The following PHTF2 variants were observed in gnomAD, a reference collection of about 807,000 sequenced individuals.
PHTF2 encodes putative homeodomain transcription factor 2.
Under a neutral mutation model 101.2 loss-of-function variants are expected in PHTF2, and 60 were observed. That is an observed-to-expected ratio of 0.59 (90% CI 0.48 to 0.73). PHTF2 has a LOEUF of 0.73. Among genes scored for constraint, PHTF2 ranks in the 30% least tolerant of loss-of-function variants. The probability of loss-of-function intolerance (pLI) is 0.00; values close to 1 mark genes in which losing one functional copy is unlikely to be tolerated. For missense variants in PHTF2, 747 were observed against 908.7 expected, an observed-to-expected ratio of 0.82 and a Z score of 2.29; for synonymous variants, 311 against 307.3, an observed-to-expected ratio of 1.01 and a Z score of -0.13.
chr7:77,850,529 C>T (rs1796672179), intron 2 of PHTF2, among the ~76,000 whole-genome samples: 1 of 149,992 alleles, frequency 6.7e-6, no homozygotes, highest in East Asian at 2.0e-4. Context: ...GTAGTTGCAA[C>T]TACTTGGGAG....
At chr7:77,954,858 C>A in exon 20 of PHTF2, 5 of 1,488,790 alleles carry the variant, frequency 3.4e-6, no homozygotes, top group African/African-American at 1.4e-5. Context: ...TTTTTTCTAG[C>A]TATGGAAGAT....
intron 9 of PHTF2, among the ~76,000 whole-genome samples, chr7:77,915,036 C>T (rs567197627): frequency 8.6e-5 from 13 of 151,172 alleles, no homozygotes; most frequent in Non-Finnish European, 1.6e-4. Context: ...CTCAGCCTCC[C>T]GAGTAGCTGG....
intron 15 of PHTF2, 28 bp from the exon 15 acceptor site, chr7:77,942,671 CT>C: frequency 7.6e-7 from 1 of 1,309,582 alleles, no homozygotes; most frequent in South Asian, 1.3e-5. Context: ...AAAATGTTTC[CT>C]TTTCTCCCTT....
chr7:77,844,290 A>G (rs1184037110), intron 2 of PHTF2, among the ~76,000 whole-genome samples: 1 of 152,028 alleles, frequency 6.6e-6, no homozygotes, highest in Non-Finnish European at 1.5e-5. Flanking sequence ...CACTGTGCCC[A>G]ACCATAACTC....
At chr7:77,820,844 C>G (rs1307384546) in intron 1 of PHTF2, among the ~76,000 whole-genome samples, 1 of 152,080 alleles carries the variant, frequency 6.6e-6, no homozygotes, top group African/African-American at 2.4e-5. Context: ...CTTTTTTCCT[C>G]TCTTATTGTT....
chr7:77,950,989 G>T (rs1159005934), intron 17 of PHTF2, among the ~76,000 whole-genome samples: 1 of 152,240 alleles, frequency 6.6e-6, no homozygotes, highest in African/African-American at 2.4e-5. Flanking sequence ...GGGGGTAAAG[G>T]TGAGATCAAA....
rs1367331837 is a variant in PHTF2, at chr7:77,909,256, A to G, written c.611+298A>G. 1.9e-5 allele frequency: 4 copies of G among 214,900 alleles called. No homozygotes were observed. In the East Asian group the frequency reaches 4.0e-4, roughly 21 times the overall value. 13.3% of individuals were successfully genotyped at this position (214,900 alleles called of 1,614,324 possible). A position where few individuals can be genotyped will look rare whatever the true frequency, so the allele number is the denominator to read the frequency against. On this transcript the variant is annotated intron_variant, in intron 8 of 19. Transcript: ENST00000416283. ...GTTAGCTAGATTGTTAATAATTCCT[A>G]CTACTTATAAAAATCTTGTATTTCT...
At chr7:77,884,625 A>C (rs1376751149) in intron 3 of PHTF2, among the ~76,000 whole-genome samples, 1 of 152,178 alleles carries the variant, frequency 6.6e-6, no homozygotes, top group Non-Finnish European at 1.5e-5. Flanking sequence ...GGCTGGGCGC[A>C]GTGGCTTACC....
At chr7:77,929,989 T>C (rs1804412226) in intron 12 of PHTF2, among the ~76,000 whole-genome samples, 1 of 149,348 alleles carries the variant, frequency 6.7e-6, no homozygotes, top group Admixed American at 6.7e-5. Context: ...CTGTCCCTCT[T>C]GTCACCCAGG....
At chr7:77,813,556 C>T (rs1217900941) in intron 1 of PHTF2, among the ~76,000 whole-genome samples, 1 of 152,152 alleles carries the variant, frequency 6.6e-6, no homozygotes, top group Non-Finnish European at 1.5e-5. Context: ...GAGAAAGGTA[C>T]TGTATTTAAT....
intron 12 of PHTF2, among the ~76,000 whole-genome samples, chr7:77,930,623 A>G (rs547761155): frequency 3.9e-5 from 6 of 152,332 alleles, no homozygotes; most frequent in South Asian, 2.1e-4. Context: ...TGCTATAACA[A>G]TCCCAGAGGC....
At chr7:77,841,075 C>CTTTTTTTATTTTTTTTTTTTTT (rs1795833746) in intron 2 of PHTF2, among the ~76,000 whole-genome samples, 1 of 77,286 alleles carries the variant, frequency 1.3e-5, no homozygotes. Flanking sequence ...AAAAAACAGA[C>CTTTTTTTATTTTTTTTTTTTTT]TTTTTTTTTT....
intron 1 of PHTF2, among the ~76,000 whole-genome samples, chr7:77,811,889 G>A (rs1793472235): frequency 6.6e-6 from 1 of 152,152 alleles, no homozygotes; most frequent in Non-Finnish European, 1.5e-5. Context: ...GAGTATATAT[G>A]TGGTGGGTGT....
intron 9 of PHTF2, among the ~76,000 whole-genome samples, chr7:77,918,255 A>G (rs1803116498): frequency 6.6e-6 from 1 of 152,008 alleles, no homozygotes; most frequent in Non-Finnish European, 1.5e-5. Flanking sequence ...GGTTCATTCT[A>G]CACATTCCCA....
At chr7:77,863,725 G>T in intron 3 of PHTF2, among the ~76,000 whole-genome samples, 1 of 146,056 alleles carries the variant, frequency 6.8e-6, no homozygotes, top group African/African-American at 2.5e-5. Flanking sequence ...ACGCATTTAT[G>T]TTTAAATAAC....
intron 12 of PHTF2, among the ~76,000 whole-genome samples, chr7:77,936,332 A>G (rs1805126595): frequency 6.6e-6 from 1 of 152,202 alleles, no homozygotes; most frequent in Non-Finnish European, 1.5e-5. Flanking sequence ...TTAATGAAAT[A>G]TTTTATAAAA....
intron 18 of PHTF2, among the ~76,000 whole-genome samples, chr7:77,953,063 C>G (rs1806693461): frequency 6.6e-6 from 1 of 152,150 alleles, no homozygotes; most frequent in African/African-American, 2.4e-5. Context: ...TGGGCCCTAA[C>G]AATGCTGAGC....
chr7:77,866,205 T>C (rs1466499984), intron 3 of PHTF2, among the ~76,000 whole-genome samples: 1 of 142,178 alleles, frequency 7.0e-6, no homozygotes, highest in East Asian at 2.0e-4. Context: ...AAAAAAAAAA[T>C]TATTAAACGT....
chr7:77,919,885 G>A (rs1184909810), intron 9 of PHTF2, among the ~76,000 whole-genome samples: 1 of 152,066 alleles, frequency 6.6e-6, no homozygotes, highest in East Asian at 1.9e-4. Context: ...ATCAAACTAA[G>A]TTAAACCATG....
Sources: allele counts gnomAD v4.1 joint callset (sites outside exome capture counted in the v4.1 genomes callset), GRCh38; gene constraint gnomAD v4.1.1; transcripts MANE v1.5; gene names NCBI Gene and HGNC (gene_info 2026-07-23, HGNC 2026-07-21).